EXT1: variants seen among roughly 807,000 people sequenced by gnomAD.
The protein encoded by EXT1 is exostosin-1.
In EXT1, 20 loss-of-function variants were observed where a neutral mutation model predicts 82.5. That is an observed-to-expected ratio of 0.24 (90% confidence interval 0.17 to 0.35). EXT1 has a LOEUF of 0.35. EXT1 is among the 10% of genes least tolerant of loss of function. EXT1 has a pLI of 1.00. For synonymous variants in EXT1, 348 were observed against 350.8 expected (o/e 0.99, Z 0.09); for missense variants, 757 against 936.5 (o/e 0.81, Z 2.50).
chr8:117,838,991 A>G (rs1812230253), intron 1 of EXT1, among the ~76,000 whole-genome samples: 1 of 152,204 alleles, frequency 6.6e-6, no homozygotes, highest in South Asian at 2.1e-4. Context: ...ACAAGTTTCA[A>G]AGTTCCTAGT....
intron 1 of EXT1, among the ~76,000 whole-genome samples, chr8:117,903,366 T>A (rs758647797): frequency 7.2e-5 from 11 of 152,088 alleles, no homozygotes; most frequent in Non-Finnish European, 1.5e-4. Context: ...AGAACACAAC[T>A]CTTTGGTGAG....
At chr8:118,032,565 C>T (rs1266450825) in intron 1 of EXT1, among the ~76,000 whole-genome samples, 2 of 148,566 alleles carry the variant, frequency 1.3e-5, no homozygotes, top group Non-Finnish European at 3.0e-5. Flanking sequence ...GGCTGGAGTG[C>T]AATGGCAGGA....
At chr8:117,894,174 CTTTCTTTTCT>C (rs147903580) in intron 1 of EXT1, among the ~76,000 whole-genome samples, 2 of 151,942 alleles carry the variant, frequency 1.3e-5, no homozygotes, top group Admixed American at 1.3e-4. Flanking sequence ...TTTGGTTTTT[CTTTCTTTTCT>C]TTTCTTTTCT....
intron 6 of EXT1, among the ~76,000 whole-genome samples, chr8:117,818,745 CAAACAAAT>C (rs1384682949): frequency 3.3e-5 from 5 of 151,874 alleles, no homozygotes; most frequent in African/African-American, 9.7e-5. Flanking sequence ...ACAGAAAGAG[CAAACAAAT>C]AAACAAACAA....
chr8:117,848,393 C>G (rs547071110), intron 1 of EXT1, among the ~76,000 whole-genome samples: 33 of 152,260 alleles, frequency 2.2e-4, no homozygotes, highest in Non-Finnish European at 3.4e-4. Flanking sequence ...GCTGAATCAC[C>G]TCTCCCTCCT....
intron 1 of EXT1, among the ~76,000 whole-genome samples, chr8:117,868,284 C>T (rs1368117250): frequency 6.6e-6 from 1 of 152,158 alleles, no homozygotes; most frequent in Non-Finnish European, 1.5e-5. Flanking sequence ...CACTCAGTCC[C>T]TTTGGCTTAG....
At chr8:117,880,913 C>T in intron 1 of EXT1, among the ~76,000 whole-genome samples, 1 of 152,058 alleles carries the variant, frequency 6.6e-6, no homozygotes. Flanking sequence ...TTTATGAACT[C>T]TTTTGTTTGT....
At chr8:117,859,804 G>T (rs769325898) in intron 1 of EXT1, among the ~76,000 whole-genome samples, 5 of 152,132 alleles carry the variant, frequency 3.3e-5, no homozygotes, top group Non-Finnish European at 7.3e-5. Context: ...ATAAATGGTG[G>T]TATGTATGTA....
chr8:117,882,085 T>C (rs1813071150), intron 1 of EXT1, among the ~76,000 whole-genome samples: 1 of 152,162 alleles, frequency 6.6e-6, no homozygotes, highest in South Asian at 2.1e-4. Flanking sequence ...TGTTGTTTAA[T>C]TTAATTTATT....
At chr8:117,854,711 C>T (rs1217271382) in intron 1 of EXT1, among the ~76,000 whole-genome samples, 1 of 152,140 alleles carries the variant, frequency 6.6e-6, no homozygotes, top group Non-Finnish European at 1.5e-5. Flanking sequence ...TACAGTATTG[C>T]GTCCTAAGTG....
intron 1 of EXT1, among the ~76,000 whole-genome samples, chr8:117,944,261 G>A (rs1010325747): frequency 2.0e-5 from 3 of 152,208 alleles, no homozygotes; most frequent in Non-Finnish European, 4.4e-5. Flanking sequence ...CTAGCTGGGT[G>A]TGGTGGCGGG....
At chr8:117,865,821 A>C (rs1364909871) in intron 1 of EXT1, among the ~76,000 whole-genome samples, 1 of 152,318 alleles carries the variant, frequency 6.6e-6, no homozygotes, top group Non-Finnish European at 1.5e-5. Flanking sequence ...GCTTTAATTT[A>C]CCATCAGTTG....
At chr8:117,968,312 G>A (rs1257832359) in intron 1 of EXT1, among the ~76,000 whole-genome samples, 1 of 151,786 alleles carries the variant, frequency 6.6e-6, no homozygotes, top group Non-Finnish European at 1.5e-5. Flanking sequence ...AATTTTAAAG[G>A]TCTCGTTGTG....
chr8:117,958,789 T>C (rs1034985492), intron 1 of EXT1, among the ~76,000 whole-genome samples: 5 of 152,234 alleles, frequency 3.3e-5, no homozygotes, highest in African/African-American at 9.6e-5. Context: ...AGCAAAAGTA[T>C]GTAATTTACT....
At position 118,085,718 on chromosome 8, in the gene EXT1, G is replaced by A. The variant is rs185727385; in HGVS notation, c.962+24367C>T. Among the ~76,000 whole-genome samples, 299 of 150,952 alleles carry A rather than the reference G, an allele frequency of 2.0e-3. 3 individuals carry two copies. In the East Asian group the frequency reaches 0.022, roughly 11 times the overall value. ...ATCCTATGTTACTCGTGTGTGTGAC[G>A]GAGGCAAAAAAAAAAAGCAGTGTTT... On this transcript the variant is annotated intron_variant, in intron 1 of 10. Coordinates refer to ENST00000378204, the MANE Select transcript of EXT1 (RefSeq NM_000127.3).
chr8:117,868,617 CT>C (rs1484485311), intron 1 of EXT1, among the ~76,000 whole-genome samples: 2 of 151,800 alleles, frequency 1.3e-5, no homozygotes, highest in South Asian at 4.2e-4. Flanking sequence ...TGCCTGGCTA[CT>C]TTTTTATTTT....
At chr8:117,854,646 A>G (rs1332123346) in intron 1 of EXT1, among the ~76,000 whole-genome samples, 2 of 152,256 alleles carry the variant, frequency 1.3e-5, no homozygotes, top group African/African-American at 2.4e-5. Context: ...TAATGATGAT[A>G]TAACAGCCAC....
At chr8:117,848,628 T>G (rs1304004866) in intron 1 of EXT1, among the ~76,000 whole-genome samples, 2 of 152,180 alleles carry the variant, frequency 1.3e-5, no homozygotes. Context: ...GGTAGCACTC[T>G]GAGCACTGGG....
chr8:117,920,355 C>T (rs1813832109), intron 1 of EXT1, among the ~76,000 whole-genome samples: 2 of 152,142 alleles, frequency 1.3e-5, no homozygotes, highest in Admixed American at 6.5e-5. Flanking sequence ...CCACCCGCCT[C>T]GGCCTCCAAG....
Sources: allele counts gnomAD v4.1 joint callset (sites outside exome capture counted in the v4.1 genomes callset), GRCh38; gene constraint gnomAD v4.1.1; transcripts MANE v1.5; gene names NCBI Gene and HGNC (gene_info 2026-07-23, HGNC 2026-07-21).